ADAT1: variants seen among roughly 807,000 people sequenced by gnomAD.
ADAT1 encodes tRNA-specific adenosine deaminase 1.
Under a neutral mutation model 58.6 loss-of-function variants are expected in ADAT1, and 58 were observed. The observed-to-expected ratio is 0.99, with a 90% CI of 0.80 to 1.23. ADAT1 has a LOEUF of 1.23. ADAT1 is among the 50% of genes most tolerant of loss of function. The probability of loss-of-function intolerance (pLI) is 0.00; values close to 1 mark genes in which losing one functional copy is unlikely to be tolerated. For synonymous variants in ADAT1, 254 were observed against 220.8 expected, an observed-to-expected ratio of 1.15 and a Z score of -1.33; for missense variants, 741 against 608.6, an observed-to-expected ratio of 1.22 and a Z score of -2.29.
In ADAT1 at chr16:75,608,869, G is replaced by C. The variant is rs773044459; in HGVS notation, c.1163C>G (p.Pro388Arg). The C allele has an allele frequency of 2.5e-6, 4 of 1,614,030 alleles. No homozygotes were observed. The Admixed American group carries it at 6.7e-5, about 27-fold the overall frequency. The stretch of plus-strand genomic sequence containing the variant: ...TGCCCCACAAGGAACAAGTCGACCT[G>C]GGCTATCAGCCCTTTTTGCCTGCAC... ...SAVQAKRADSPGRLVPCGAAI... is the reference protein window; with the variant it reads ...SAVQAKRADSRGRLVPCGAAI... Residue 388 changes from proline (P) to arginine (R), a missense_variant, in exon 7 of 10, where the codon CCA becomes CGA. By Grantham distance (103) the Pro-to-Arg change is moderately radical (BLOSUM62 -2). Transcript: ENST00000564657.
At chr16:75,603,274 C>T in intron 8 of ADAT1, 103 bp from the exon 9 acceptor site, 1 of 951,178 alleles carries the variant, frequency 1.1e-6, no homozygotes, top group Non-Finnish European at 1.6e-6. Context: ...TTTGAAGGTG[C>T]CAGAGCCCCT....
Position 75,597,867 on chromosome 16 carries a change from T to TG in ADAT1, c.*2348dup, listed in dbSNP as rs2081113870. On this transcript the variant is annotated 3_prime_UTR_variant, in exon 10 of 10. Coordinates refer to ENST00000564657, the MANE Select transcript of ADAT1 (RefSeq NM_001324445.2). ...GGAGCTACGGCAGAAATGTGAGCGA[T>TG]GGGGGGCAGCCATAAATACAGATGA... is the stretch of plus-strand genomic sequence containing the variant. 1.3e-5 allele frequency among the ~76,000 whole-genome samples: 2 copies of TG among 152,092 alleles called. No homozygotes were observed. The highest frequency in any genetic ancestry group is 4.8e-5 in the African/African-American group (2 of 41,424).
At position 75,608,871 on chromosome 16, in the gene ADAT1, G is replaced by A; in HGVS notation, c.1161C>T (p.Ser387=). The A allele has an allele frequency of 6.2e-7, 1 of 1,614,090 alleles. No individual in the cohort carries two copies. ...RSAVQAKRAD[S]PGRLVPCGAA... ...CCCCACAAGGAACAAGTCGACCTGG[G>A]CTATCAGCCCTTTTTGCCTGCACCG... The change falls in exon 7 of 10, where the codon AGC becomes AGT. Residue 387 remains serine, a synonymous_variant. Transcript: ENST00000564657.
chr16:75,596,893 AAATAGT>A lies in ADAT1; in HGVS notation c.*3317_*3322del, dbSNP rs2081081588. The A allele has an allele frequency of 6.6e-6, 1 of 152,210 alleles. No homozygotes were observed. The highest frequency in any genetic ancestry group is 6.5e-5 in the Admixed American group (1 of 15,270). 9.4% of individuals were successfully genotyped at this position (152,210 alleles called of 1,614,324 possible). On this transcript the variant is annotated 3_prime_UTR_variant, in exon 10 of 10. Transcript: ENST00000564657. Reference sequence around the variant, plus strand: ...TCCATACAACTGATTTTTATTCCATAAATAGTAATAAAGTACTGATTCATGCTACAA... The same window carrying A: ...TCCATACAACTGATTTTTATTCCATAAATAAAGTACTGATTCATGCTACAA...
At chr16:75,616,645 C>G (rs1232433352) in intron 5 of ADAT1, among the ~76,000 whole-genome samples, 1 of 152,142 alleles carries the variant, frequency 6.6e-6, no homozygotes, top group Admixed American at 6.5e-5. Context: ...TATAACCCAC[C>G]AAAATTTACC....
At chr16:75,603,253 T>G in intron 8 of ADAT1, 82 bp from the exon 9 acceptor site, 2 of 1,301,978 alleles carry the variant, frequency 1.5e-6, no homozygotes, top group Middle Eastern at 3.7e-4. Context: ...AGGCTTCATG[T>G]GGTTTTTAGG....
At chr16:75,608,534 A>T in intron 7 of ADAT1, 1 of 582,012 alleles carries the variant, frequency 1.7e-6, no homozygotes, top group Non-Finnish European at 3.0e-6. Flanking sequence ...ACAATCACTG[A>T]GCATTTATTA....
At chr16:75,621,111 A>T (rs2081919691) in intron 1 of ADAT1, among the ~76,000 whole-genome samples, 1 of 152,006 alleles carries the variant, frequency 6.6e-6, no homozygotes, top group African/African-American at 2.4e-5. Context: ...TCAACATTAA[A>T]GGACACGAGA....
intron 4 of ADAT1, 32 bp from the exon 5 acceptor site, chr16:75,617,304 A>C (rs1256866414): frequency 5.6e-6 from 9 of 1,600,236 alleles, no homozygotes; most frequent in Non-Finnish European, 7.7e-6. Flanking sequence ...TAGGATGAAC[A>C]ACCGATCTCT....
intron 6 of ADAT1, among the ~76,000 whole-genome samples, chr16:75,610,836 G>A (rs959260721): frequency 6.6e-6 from 1 of 152,168 alleles, no homozygotes; most frequent in African/African-American, 2.4e-5. Context: ...TTAGGGCTGG[G>A]TGAGGTGGCT....
intron 6 of ADAT1, among the ~76,000 whole-genome samples, chr16:75,610,388 C>T (rs1052364721): frequency 6.6e-6 from 1 of 151,932 alleles, no homozygotes; most frequent in Non-Finnish European, 1.5e-5. Context: ...CTCAACATCC[C>T]GTGGCTCTGG....
chr16:75,605,880 T>C lies in ADAT1; in HGVS notation c.1289+2344A>G, dbSNP rs1597098925. Among the ~76,000 whole-genome samples the C allele has an allele frequency of 2.2e-5, 3 of 139,492 alleles. No individual in the cohort carries two copies. The East Asian group carries it at 6.2e-4, about 29-fold the overall frequency. 91.5% of individuals were successfully genotyped at this position (139,492 alleles called of 152,430 possible). ...TGAACCTGGGAGGCAGAGGTTGCAGTGAGCCAAGATCGTGCTACTGTACTC... is the reference window on the plus strand; with the variant it reads ...TGAACCTGGGAGGCAGAGGTTGCAGCGAGCCAAGATCGTGCTACTGTACTC... On this transcript the variant is annotated intron_variant, in intron 8 of 9. Coordinates refer to ENST00000564657, the MANE Select transcript of ADAT1 (RefSeq NM_001324445.2).
chr16:75,600,919 G>A (rs771209220), intron 9 of ADAT1, among the ~76,000 whole-genome samples: 3 of 152,154 alleles, frequency 2.0e-5, no homozygotes, highest in Non-Finnish European at 4.4e-5. Context: ...GAGCAACTCT[G>A]TCTCCTTTGT....
intron 9 of ADAT1, among the ~76,000 whole-genome samples, chr16:75,601,537 G>A (rs1197496443): frequency 3.3e-5 from 5 of 151,630 alleles, no homozygotes; most frequent in Non-Finnish European, 7.4e-5. Context: ...CAGGTGGATC[G>A]CCCGAGGTCA....
intron 6 of ADAT1, among the ~76,000 whole-genome samples, chr16:75,610,912 G>C (rs922294869): frequency 6.6e-6 from 1 of 152,182 alleles, no homozygotes; most frequent in African/African-American, 2.4e-5. Flanking sequence ...AGGAGTTCAA[G>C]ACCAGCCTGG....
intron 2 of ADAT1, 30 bp downstream of exon 2, chr16:75,620,601 G>T: frequency 1.2e-6 from 2 of 1,609,410 alleles, no homozygotes; most frequent in South Asian, 1.1e-5. Flanking sequence ...CTCTCACAGT[G>T]AGGAGCATGC....
At position 75,598,680 on chromosome 16, in the gene ADAT1, G is replaced by A. The variant is rs1012784040; in HGVS notation, c.*1536C>T. On this transcript the variant is annotated 3_prime_UTR_variant, in exon 10 of 10. Coordinates refer to ENST00000564657, the MANE Select transcript of ADAT1 (RefSeq NM_001324445.2). ...ACTACAGGCGTGCACCACCATGCCC[G>A]GCTAATTTTTGTATTTTTAGCAGAG... is the stretch of plus-strand genomic sequence containing the variant. Among the ~76,000 whole-genome samples, 34 of 151,780 alleles carry A rather than the reference G, an allele frequency of 2.2e-4. No individual in the cohort carries two copies. The highest frequency in any genetic ancestry group is 7.3e-4 in the African/African-American group (30 of 41,344).
intron 8 of ADAT1, among the ~76,000 whole-genome samples, chr16:75,603,434 G>A (rs553110690): frequency 9.9e-5 from 15 of 152,242 alleles, no homozygotes; most frequent in African/African-American, 3.4e-4. Flanking sequence ...GTGCAATTAC[G>A]AAATTTTGCC....
At position 75,603,087 on chromosome 16, in the gene ADAT1, G is replaced by A. The variant is rs375566534; in HGVS notation, c.1374C>T (p.Leu458=). Residue 458 remains leucine, a splice_region_variant and synonymous_variant, in exon 9 of 10, where the codon CTC becomes CTT. Transcript: ENST00000564657. ...RIARDKWPHS[L]RVQKLDTYQE... ...AAAACATAGGTCAACAGCATCACCTGAGGGAGTGTGGCCACTTGTCCCTTG... is the reference window on the plus strand; with the variant it reads ...AAAACATAGGTCAACAGCATCACCTAAGGGAGTGTGGCCACTTGTCCCTTG... 1.2e-6 allele frequency: 2 copies of A among 1,613,430 alleles called. No homozygotes were observed. The highest frequency in any genetic ancestry group is 1.3e-5 in the African/African-American group (1 of 74,900).
Sources: allele counts gnomAD v4.1 joint callset (sites outside exome capture counted in the v4.1 genomes callset), GRCh38; gene constraint gnomAD v4.1.1; transcripts MANE v1.5; gene names NCBI Gene and HGNC (gene_info 2026-07-23, HGNC 2026-07-21).